SLC17A8: variants seen among roughly 807,000 people sequenced by gnomAD.
SLC17A8 encodes vesicular glutamate transporter 3.
In SLC17A8, 31 loss-of-function variants were observed where a neutral mutation model predicts 58.0. The ratio of observed to expected loss-of-function variants is 0.53; its 90% CI spans 0.40 to 0.72. The LOEUF (loss-of-function observed/expected upper bound fraction) is 0.72, where lower values mean the gene tolerates loss of function less well. Among genes scored for constraint, SLC17A8 ranks in the 30% least tolerant of loss-of-function variants. SLC17A8 has a pLI of 0.00. For missense variants in SLC17A8, 655 were observed against 727.8 expected (o/e 0.90, Z 1.15); for synonymous variants, 228 against 249.0 (o/e 0.92, Z 0.79).
At chr12:100,365,156 G>A (rs959870749) in intron 1 of SLC17A8, among the ~76,000 whole-genome samples, 7 of 152,208 alleles carry the variant, frequency 4.6e-5, no homozygotes, top group Admixed American at 2.0e-4. Context: ...TCTCAGGTCT[G>A]ATAGAACCTA....
At chr12:100,416,065 T>G (rs1453983333) in intron 10 of SLC17A8, among the ~76,000 whole-genome samples, 3 of 152,172 alleles carry the variant, frequency 2.0e-5, no homozygotes, top group Non-Finnish European at 4.4e-5. Context: ...AAGAGATGAG[T>G]GATGCCTGTT....
At chr12:100,405,511 AAAG>A (rs1952820652) in intron 9 of SLC17A8, among the ~76,000 whole-genome samples, 1 of 152,150 alleles carries the variant, frequency 6.6e-6, no homozygotes, top group African/African-American at 2.4e-5. Context: ...CAGAGTCAGA[AAAG>A]AAGATGTGAT....
chr12:100,383,602 T>C (rs1290688976), intron 2 of SLC17A8, among the ~76,000 whole-genome samples: 1 of 152,238 alleles, frequency 6.6e-6, no homozygotes, highest in Non-Finnish European at 1.5e-5. Context: ...TTTAAATCTT[T>C]ATTTCAAAAG....
At position 100,380,745 on chromosome 12, in the gene SLC17A8, A is replaced by C. The variant is rs1250824191; in HGVS notation, c.146A>C (p.Asn49Thr). Residue 49 changes from asparagine (N) to threonine (T), a missense_variant, in exon 2 of 12, where the codon AAT becomes ACT. Physicochemically the swap from Asn to Thr is moderately conservative, Grantham distance 65. Coordinates refer to ENST00000323346, the MANE Select transcript of SLC17A8 (RefSeq NM_139319.3). ...GAGGAAGAAGATAACATTGAGCTGA[A>C]TGAAGAAGGAAGGCCGGTGCAGACG... Reference protein sequence around the residue: ...TTEEEDNIELNEEGRPVQTSR... With the variant: ...TTEEEDNIELTEEGRPVQTSR... 1 of 1,614,004 alleles carries C rather than the reference A, an allele frequency of 6.2e-7. No individual in the cohort carries two copies. Among genetic ancestry groups the C allele is most frequent in the African/African-American group, 1.3e-5 (1 of 74,906 alleles).
intron 1 of SLC17A8, among the ~76,000 whole-genome samples, chr12:100,360,865 A>T (rs1236348246): frequency 6.6e-6 from 1 of 152,180 alleles, no homozygotes; most frequent in Non-Finnish European, 1.5e-5. Flanking sequence ...AGTGTGGGCT[A>T]TTCTCCTAAT....
At chr12:100,377,355 A>T (rs1952601305) in intron 1 of SLC17A8, among the ~76,000 whole-genome samples, 1 of 152,054 alleles carries the variant, frequency 6.6e-6, no homozygotes, top group African/African-American at 2.4e-5. Flanking sequence ...TAAGTTTGAT[A>T]ACTCATTTAT....
At chr12:100,359,264 CTTAAGT>C (rs1952468062) in intron 1 of SLC17A8, among the ~76,000 whole-genome samples, 1 of 152,044 alleles carries the variant, frequency 6.6e-6, no homozygotes, top group African/African-American at 2.4e-5. Flanking sequence ...TCTTTTCAAC[CTTAAGT>C]TTAATTGCTT....
chr12:100,357,543 C>A, intron 1 of SLC17A8, 51 bp downstream of exon 1: 1 of 1,194,994 alleles, frequency 8.4e-7, no homozygotes, highest in Non-Finnish European at 1.3e-6. Context: ...TTCGTATTGC[C>A]AATGTGTGAG....
intron 2 of SLC17A8, among the ~76,000 whole-genome samples, chr12:100,390,474 G>A (rs187843435): frequency 1.5e-4 from 23 of 151,900 alleles, no homozygotes; most frequent in Admixed American, 2.6e-4. Context: ...AGCTTCCTGA[G>A]TAGCTGGGAG....
At chr12:100,395,305 AG>A (rs1217426362) in intron 4 of SLC17A8, among the ~76,000 whole-genome samples, 1 of 151,060 alleles carries the variant, frequency 6.6e-6, no homozygotes, top group Non-Finnish European at 1.5e-5. Flanking sequence ...ACCATAAACT[AG>A]GTAGGTTATA....
chr12:100,418,156 G>A lies in SLC17A8; in HGVS notation c.1425G>A (p.Lys475=). Residue 475 remains lysine (K), a splice_region_variant and synonymous_variant, in exon 11 of 12, where the codon AAG becomes AAA. Transcript: ENST00000323346. ...TTGTCGGTGCAATGACCAGGCACAA[G>A]GTAAAGGTCTCCTTTGTGGCTATGG... ...PLIVGAMTRH[K]TREEWQNVFL... is the part of the protein sequence containing the mutation. 6.2e-7 allele frequency: 1 copy of A among 1,614,088 alleles called. No homozygotes were observed. Among genetic ancestry groups the A allele is most frequent in the Non-Finnish European group, 8.5e-7 (1 of 1,180,016 alleles).
intron 10 of SLC17A8, among the ~76,000 whole-genome samples, chr12:100,416,195 G>C (rs1952905550): frequency 1.3e-5 from 2 of 152,138 alleles, no homozygotes; most frequent in African/African-American, 4.8e-5. Flanking sequence ...CCAAATGTCA[G>C]GATTGTGCAG....
chr12:100,410,361 G>C (rs1952857920), intron 9 of SLC17A8, among the ~76,000 whole-genome samples: 1 of 152,182 alleles, frequency 6.6e-6, no homozygotes, highest in Non-Finnish European at 1.5e-5. Flanking sequence ...TGGGCATGGT[G>C]GTGGGTGCCT....
chr12:100,417,897 T>G (rs1952917426), intron 10 of SLC17A8, 132 bp from the exon 11 acceptor site: 2 of 1,083,054 alleles, frequency 1.8e-6, no homozygotes, highest in East Asian at 4.8e-5. Flanking sequence ...CCCAGTCCTC[T>G]TGGTCTGGAA....
At chr12:100,395,165 AC>A (rs1239262700) in intron 4 of SLC17A8, among the ~76,000 whole-genome samples, 1 of 151,820 alleles carries the variant, frequency 6.6e-6, no homozygotes, top group African/African-American at 2.4e-5. Flanking sequence ...AAATATAAAG[AC>A]CTTTTCCCCC....
At chr12:100,370,819 G>C (rs1228296128) in intron 1 of SLC17A8, among the ~76,000 whole-genome samples, 1 of 152,112 alleles carries the variant, frequency 6.6e-6, no homozygotes, top group Non-Finnish European at 1.5e-5. Flanking sequence ...TGCTTAAATG[G>C]GGGGATAGGA....
intron 4 of SLC17A8, among the ~76,000 whole-genome samples, chr12:100,394,153 A>G (rs1162925298): frequency 6.6e-6 from 1 of 152,190 alleles, no homozygotes; most frequent in African/African-American, 2.4e-5. Context: ...TGGGCTATAC[A>G]AAAACAGATG....
chr12:100,384,854 G>T (rs925105522), intron 2 of SLC17A8, among the ~76,000 whole-genome samples: 6 of 152,158 alleles, frequency 3.9e-5, no homozygotes, highest in Middle Eastern at 6.3e-3. Context: ...AAGGTCTCCA[G>T]CTTGCTTGCC....
In SLC17A8 at chr12:100,402,492, AG is replaced by A. The variant is rs1566400640; in HGVS notation, c.903+14del. 6.2e-7 allele frequency: 1 copy of A among 1,614,058 alleles called. No individual in the cohort carries two copies. The highest frequency in any genetic ancestry group is 8.5e-7 in the Non-Finnish European group (1 of 1,180,010). On this transcript the variant is annotated intron_variant, in intron 7 of 11. Transcript: ENST00000323346. ...GGTTAGTCTAAGTGTAAGTATAAAAAGTCAGATGAAGACTTACCTTTTTTCA... is the reference window on the plus strand; with the variant it reads ...GGTTAGTCTAAGTGTAAGTATAAAAATCAGATGAAGACTTACCTTTTTTCA...
Sources: allele counts gnomAD v4.1 joint callset (sites outside exome capture counted in the v4.1 genomes callset), GRCh38; gene constraint gnomAD v4.1.1; transcripts MANE v1.5; gene names NCBI Gene and HGNC (gene_info 2026-07-23, HGNC 2026-07-21).